Variants in DDX43 observed in about 807,000 individuals in gnomAD.
The protein encoded by DDX43 is probable ATP-dependent RNA helicase DDX43.
DDX43 carries 50 observed loss-of-function variants against 84.9 expected under a neutral mutation model. The ratio of observed to expected loss-of-function variants is 0.59; its 90% confidence interval spans 0.47 to 0.75. The LOEUF is 0.75. Ranked by LOEUF, DDX43 falls within the 30% of genes least tolerant of loss-of-function variation. DDX43 has a pLI of 0.00. For missense variants in DDX43, 689 were observed against 798.6 expected (o/e 0.86, Z 1.65); for synonymous variants, 291 against 266.3 (o/e 1.09, Z -0.90).
chr6:73,413,586 T>G, intron 11 of DDX43, 72 bp from the exon 12 acceptor site: 4 of 1,430,632 alleles, frequency 2.8e-6, no homozygotes, highest in South Asian at 2.9e-5. Flanking sequence ...GAAGATGCAT[T>G]TTGAGCTGAT....
chr6:73,398,098 A>T (rs998642308), intron 2 of DDX43: 1 of 175,674 alleles, frequency 5.7e-6, no homozygotes, highest in Non-Finnish European at 1.2e-5. Context: ...GGCATGAGCC[A>T]CTGCACCAGG....
In DDX43 at chr6:73,411,115, G is replaced by T. The variant is rs1769776792; in HGVS notation, c.1281-1090G>T. ...GGCGTGAACCTGGGAGGCGGAGCTT[G>T]CAGTGAGCCGAGATCACGCCACTGC... On this transcript the variant is annotated intron_variant, in intron 10 of 16. Transcript: ENST00000370336. 3.7e-5 allele frequency among the ~76,000 whole-genome samples: 5 copies of T among 134,074 alleles called. No homozygotes were observed. In the South Asian group the frequency reaches 1.2e-3, roughly 33 times the overall value. 88.0% of individuals were successfully genotyped at this position (134,074 alleles called of 152,430 possible). A position where few individuals can be genotyped will look rare whatever the true frequency, so the allele number is the denominator to read the frequency against.
At chr6:73,402,237 A>AG (rs945110154) in intron 4 of DDX43, among the ~76,000 whole-genome samples, 2 of 152,204 alleles carry the variant, frequency 1.3e-5, no homozygotes, top group African/African-American at 4.8e-5. Context: ...CTAATAAAAT[A>AG]GGAAAAAATC....
chr6:73,406,483 G>A lies in DDX43; in HGVS notation c.926+1G>A, dbSNP rs776705323. On this transcript the variant is annotated splice_donor_variant, in intron 7 of 16. Transcript: ENST00000370336. LOFTEE classifies it high-confidence loss of function. ...TTATTCATCTGGTCCTTCAACCCAGGTAAGAATTCCTATGGCTGGTTTCTT... is the reference window on the plus strand; with the variant it reads ...TTATTCATCTGGTCCTTCAACCCAGATAAGAATTCCTATGGCTGGTTTCTT... 9 of 1,581,756 alleles carry A rather than the reference G, an allele frequency of 5.7e-6. No homozygotes were observed. In the South Asian group the frequency reaches 7.8e-5, roughly 14 times the overall value.
intron 16 of DDX43, among the ~76,000 whole-genome samples, chr6:73,416,808 G>A (rs1204896295): frequency 6.6e-6 from 1 of 152,194 alleles, no homozygotes; most frequent in African/African-American, 2.4e-5. Flanking sequence ...GGAGGCCAAG[G>A]CAGGCGGATC....
At chr6:73,406,316 C>G (rs1421576097) in intron 6 of DDX43, 48 bp from the exon 7 acceptor site, 1 of 1,423,924 alleles carries the variant, frequency 7.0e-7, no homozygotes, top group Non-Finnish European at 9.8e-7. Context: ...GCCACTGCGC[C>G]CAGCAAAAGA....
At chr6:73,398,532 G>C (rs1434648567) in intron 2 of DDX43, among the ~76,000 whole-genome samples, 1 of 152,114 alleles carries the variant, frequency 6.6e-6, no homozygotes, top group African/African-American at 2.4e-5. Context: ...GATTACAGGC[G>C]TGAGCCACCA....
intron 10 of DDX43, 116 bp downstream of exon 10, chr6:73,409,464 T>G: frequency 1.2e-6 from 1 of 812,100 alleles, no homozygotes; most frequent in Non-Finnish European, 2.1e-6. Flanking sequence ...AATCTTTAGG[T>G]GAAAGATCTC....
chr6:73,398,261 T>A (rs9360674), intron 2 of DDX43, among the ~76,000 whole-genome samples: 2 of 151,818 alleles, frequency 1.3e-5, no homozygotes, highest in African/African-American at 4.8e-5. Context: ...AAATCTTTTT[T>A]ATTTTTTTGA....
chr6:73,415,170 C>T (rs1048770542), intron 14 of DDX43, among the ~76,000 whole-genome samples: 39 of 152,082 alleles, frequency 2.6e-4, no homozygotes, highest in African/African-American at 8.4e-4. Context: ...TGGTGGCGGG[C>T]GCCTGTAGTC....
chr6:73,402,877 C>T (rs1292221072), intron 4 of DDX43, among the ~76,000 whole-genome samples: 1 of 152,146 alleles, frequency 6.6e-6, no homozygotes, highest in African/African-American at 2.4e-5. Context: ...CCCCACCCAG[C>T]CCTTTTGTTT....
intron 9 of DDX43, 62 bp from the exon 10 acceptor site, chr6:73,409,186 G>A: frequency 2.5e-6 from 3 of 1,195,330 alleles, no homozygotes; most frequent in Non-Finnish European, 3.7e-6. Context: ...AATAAAGAAA[G>A]CATATGTATT....
intron 3 of DDX43, 36 bp from the exon 4 acceptor site, chr6:73,401,819 AAAAT>A: frequency 3.9e-6 from 6 of 1,548,418 alleles, no homozygotes; most frequent in South Asian, 3.7e-5. Flanking sequence ...AAAAAAAAAA[AAAAT>A]AGAAAAAAAC....
chr6:73,399,855 A>G (rs969986481), intron 2 of DDX43, among the ~76,000 whole-genome samples: 6 of 152,200 alleles, frequency 3.9e-5, no homozygotes, highest in African/African-American at 1.4e-4. Context: ...TTTCAGCCCT[A>G]CAATTCTGTA....
chr6:73,413,121 G>C (rs1315728445), intron 11 of DDX43, among the ~76,000 whole-genome samples: 3 of 152,140 alleles, frequency 2.0e-5, no homozygotes, highest in Non-Finnish European at 4.4e-5. Context: ...ATATAAGTCT[G>C]TTCCCTTTAT....
chr6:73,406,137 C>A (rs1303414226), intron 6 of DDX43, among the ~76,000 whole-genome samples: 1 of 151,896 alleles, frequency 6.6e-6, no homozygotes, highest in East Asian at 1.9e-4. Flanking sequence ...AAGTCTCCTG[C>A]CTCAGCCTCC....
Position 73,414,034 on chromosome 6 carries a change from A to G in DDX43, c.1561A>G (p.Arg521Gly), listed in dbSNP as rs768608219. 1.7e-5 allele frequency: 27 copies of G among 1,610,642 alleles called. No homozygotes were observed. Among genetic ancestry groups the G allele is most frequent in the South Asian group, 5.5e-5 (5 of 91,000 alleles). Reference protein sequence around the residue: ...NISVESLHGDREQRDREKALE... With the variant: ...NISVESLHGDGEQRDREKALE... ...ATCAGTAGAGTCTCTGCATGGAGAT[A>G]GAGAACAGAGAGATCGGGAGAAAGC... Residue 521 changes from arginine (R) to glycine (G), a missense_variant, in exon 13 of 17, where the codon AGA becomes GGA. Arg to Gly is a moderately radical substitution (Grantham distance 125). This residue lies in a region of DDX43 where 552 missense variants were observed against 692.7 expected (regional missense o/e 0.80). Transcript: ENST00000370336.
intron 2 of DDX43, among the ~76,000 whole-genome samples, chr6:73,399,064 G>T (rs909653183): frequency 2.6e-5 from 4 of 152,152 alleles, no homozygotes; most frequent in African/African-American, 9.7e-5. Flanking sequence ...TCCTGCCTCA[G>T]CTTCCAGAGT....
At chr6:73,396,675 C>T (rs1294303076) in intron 1 of DDX43, among the ~76,000 whole-genome samples, 1 of 152,078 alleles carries the variant, frequency 6.6e-6, no homozygotes, top group Non-Finnish European at 1.5e-5. Flanking sequence ...ATGTTGTATC[C>T]CAGATCTCTG....
Sources: gnomAD v4.1 joint callset for allele counts (sites outside exome capture counted in the v4.1 genomes callset) on GRCh38, gnomAD v4.1.1 for gene constraint, gnomAD v4.1.1 regional missense constraint, MANE v1.5 for transcripts, NCBI Gene and HGNC (gene_info 2026-07-23, HGNC 2026-07-21) for gene names.